DNAJC5B: variants seen among roughly 807,000 people sequenced by gnomAD.
The protein encoded by DNAJC5B is dnaJ homolog subfamily C member 5B.
A neutral mutation model predicts 24.7 loss-of-function variants in DNAJC5B; 23 were observed. That is an observed-to-expected ratio of 0.93 (90% confidence interval 0.67 to 1.32). The LOEUF (loss-of-function observed/expected upper bound fraction) is 1.32, where lower values mean the gene tolerates loss of function less well. Among genes scored for constraint, DNAJC5B ranks in the 40% most tolerant of loss-of-function variants. The pLI is 0.00. For synonymous variants in DNAJC5B, 101 were observed against 90.1 expected (o/e 1.12, Z -0.68); for missense variants, 238 against 240.8 (o/e 0.99, Z 0.08).
chr8:66,070,894 A>G (rs1807332565), intron 3 of DNAJC5B, among the ~76,000 whole-genome samples: 3 of 152,150 alleles, frequency 2.0e-5, no homozygotes. Flanking sequence ...CAGAAATAGC[A>G]CCACACATCT....
At position 66,062,594 on chromosome 8, in the gene DNAJC5B, C is replaced by A. The variant is rs185677431; in HGVS notation, c.119+10928C>A. 2.0e-4 allele frequency among the ~76,000 whole-genome samples: 31 copies of A among 152,270 alleles called. 1 individual carries two copies. In the East Asian group the frequency reaches 5.8e-3, roughly 28 times the overall value. On this transcript the variant is annotated intron_variant, in intron 3 of 5. Transcript: ENST00000276570. ...ACTGGTTTCTCTAGCATGTTGGGTG[C>A]AAGAGCCTAACAAAATGCTGGGTAA...
chr8:66,095,489 T>C (rs371232101), intron 5 of DNAJC5B, among the ~76,000 whole-genome samples: 20 of 152,044 alleles, frequency 1.3e-4, no homozygotes, highest in Middle Eastern at 3.4e-3. Context: ...TTGGTTTTGT[T>C]GATTGTTTCT....
chr8:66,015,508 G>T, the DNAJC5B span, among the ~76,000 whole-genome samples: 1 of 151,892 alleles, frequency 6.6e-6, no homozygotes, highest in East Asian at 1.9e-4. Context: ...TTTATAAATA[G>T]AAAAGACTTG....
chr8:66,075,046 A>AT (rs2128963508), intron 3 of DNAJC5B, among the ~76,000 whole-genome samples: 1 of 152,082 alleles, frequency 6.6e-6, no homozygotes, highest in African/African-American at 2.4e-5. Flanking sequence ...GTAAAGAGGC[A>AT]TTTTCCAGAG....
chr8:66,074,812 G>A (rs1322528581), intron 3 of DNAJC5B, among the ~76,000 whole-genome samples: 1 of 152,116 alleles, frequency 6.6e-6, no homozygotes, highest in South Asian at 2.1e-4. Context: ...CATACTTCCC[G>A]AGGATTCCTC....
chr8:66,078,568 A>T (rs897722559), intron 4 of DNAJC5B, among the ~76,000 whole-genome samples: 1 of 152,178 alleles, frequency 6.6e-6, no homozygotes, highest in Admixed American at 6.5e-5. Flanking sequence ...AGAGAATAAT[A>T]TGGGAATTGC....
At chr8:66,069,372 A>G (rs1281685922) in intron 3 of DNAJC5B, among the ~76,000 whole-genome samples, 1 of 152,168 alleles carries the variant, frequency 6.6e-6, no homozygotes. Context: ...GGAGGGGCAA[A>G]GATGCTATGC....
At chr8:66,043,657 A>G (rs1452157433) in intron 2 of DNAJC5B, 46 bp downstream of exon 2, 1 of 152,146 alleles carries the variant, frequency 6.6e-6, no homozygotes, top group African/African-American at 2.4e-5. Flanking sequence ...ATTTCTTTGC[A>G]CATCTATTTC....
chr8:66,089,598 C>T (rs1416227759), intron 5 of DNAJC5B, among the ~76,000 whole-genome samples: 2 of 152,076 alleles, frequency 1.3e-5, no homozygotes, highest in African/African-American at 4.8e-5. Flanking sequence ...TCAAACATGC[C>T]TACTCCTTGA....
intron 2 of DNAJC5B, among the ~76,000 whole-genome samples, chr8:66,047,708 C>T (rs1227819407): frequency 1.3e-5 from 2 of 152,190 alleles, no homozygotes; most frequent in Admixed American, 1.3e-4. Context: ...TGGAACATAG[C>T]CCTGTGCTAT....
intron 5 of DNAJC5B, among the ~76,000 whole-genome samples, chr8:66,098,046 G>T (rs953133335): frequency 1.3e-5 from 2 of 151,982 alleles, no homozygotes; most frequent in Non-Finnish European, 2.9e-5. Flanking sequence ...TAGAGACGGG[G>T]TTTCACCACA....
intron 5 of DNAJC5B, among the ~76,000 whole-genome samples, chr8:66,091,312 G>A (rs1325163063): frequency 1.3e-5 from 2 of 152,176 alleles, no homozygotes; most frequent in African/African-American, 2.4e-5. Flanking sequence ...GGCTGTGAAA[G>A]TGAGCACTTG....
upstream of DNAJC5B, among the ~76,000 whole-genome samples, chr8:66,020,362 A>G (rs1329509396): frequency 1.3e-5 from 2 of 152,356 alleles, no homozygotes; most frequent in East Asian, 1.9e-4. Flanking sequence ...TGAAAGCCCA[A>G]TATATGTTCT....
At chr8:66,064,043 G>A (rs1473023201) in intron 3 of DNAJC5B, among the ~76,000 whole-genome samples, 2 of 152,168 alleles carry the variant, frequency 1.3e-5, no homozygotes, top group African/African-American at 4.8e-5. Context: ...AAATCAGAAT[G>A]ATTAAGAAAT....
At chr8:66,071,843 T>G (rs1807356922) in intron 3 of DNAJC5B, among the ~76,000 whole-genome samples, 1 of 152,164 alleles carries the variant, frequency 6.6e-6, no homozygotes, top group African/African-American at 2.4e-5. Flanking sequence ...ATGTGATACA[T>G]GTACACCATG....
At chr8:66,018,362 C>CA (rs1348913700), upstream of DNAJC5B, among the ~76,000 whole-genome samples, 41 of 138,080 alleles carry the variant, frequency 3.0e-4, no homozygotes, top group East Asian at 8.0e-3. Context: ...ACTAAAATTA[C>CA]AAAAAATTAG....
intron 5 of DNAJC5B, among the ~76,000 whole-genome samples, chr8:66,084,812 T>C (rs575842204): frequency 1.3e-5 from 2 of 152,316 alleles, no homozygotes; most frequent in East Asian, 1.9e-4. Context: ...CAGAGGAAAA[T>C]TTTGATGAAA....
chr8:66,057,391 C>G (rs1806988885), intron 3 of DNAJC5B: 1 of 152,064 alleles, frequency 6.6e-6, no homozygotes, highest in Non-Finnish European at 1.5e-5. Context: ...ATCTGAACAA[C>G]CGATAAACAA....
intron 3 of DNAJC5B, among the ~76,000 whole-genome samples, chr8:66,070,950 G>A (rs1807334251): frequency 6.6e-6 from 1 of 152,190 alleles, no homozygotes; most frequent in African/African-American, 2.4e-5. Flanking sequence ...AAGCAATGGG[G>A]AAAGGATTCC....
Sources: gnomAD v4.1 joint callset for allele counts (sites outside exome capture counted in the v4.1 genomes callset) on GRCh38, gnomAD v4.1.1 for gene constraint, MANE v1.5 for transcripts, NCBI Gene and HGNC (gene_info 2026-07-23, HGNC 2026-07-21) for gene names.